C10orf71: variants seen among roughly 807,000 people sequenced by gnomAD.
C10orf71 encodes the protein cardiac-enriched FHL2-interacting protein.
For missense variants in C10orf71, 1,869 were observed against 1,804.5 expected, an observed-to-expected ratio of 1.04 and a Z score of -0.65; for synonymous variants, 758 against 726.3, an observed-to-expected ratio of 1.04 and a Z score of -0.70.
chr10:49,306,859 A>C (rs1848823125), intron 1 of C10orf71, among the ~76,000 whole-genome samples: 1 of 152,234 alleles, frequency 6.6e-6, no homozygotes, highest in Admixed American at 6.5e-5. Context: ...AGAGCTCCTG[A>C]AGGAGCCATG....
rs1005752526 is a variant in C10orf71, at chr10:49,326,405, T to G, written c.3860T>G (p.Val1287Gly). 6 of 1,550,368 alleles carry G rather than the reference T, an allele frequency of 3.9e-6. No homozygotes were observed. The highest frequency in any genetic ancestry group is 3.9e-5 in the Admixed American group (2 of 50,962). ...LQDPQSGEYF[V>G]FDLPLQVKIK... is the part of the protein sequence containing the mutation. ...GATCCGCAGTCCGGGGAGTACTTTG[T>G]CTTCGACTTGCCACTCCAGGTGAAA... Residue 1287 changes from valine to glycine, a missense_variant, in exon 3 of 3, where the codon GTC (valine) becomes GGC (glycine). Val to Gly is a moderately radical substitution (Grantham distance 109). Coordinates refer to ENST00000374144, the MANE Select transcript of C10orf71 (RefSeq NM_001135196.2).
intron 2 of C10orf71, among the ~76,000 whole-genome samples, chr10:49,319,270 C>G (rs903765037): frequency 2.0e-5 from 3 of 151,864 alleles, no homozygotes; most frequent in African/African-American, 7.3e-5. Flanking sequence ...CAGAAGGAAG[C>G]AGCATCCTCA....
chr10:49,318,962 C>A (rs1421090756), intron 2 of C10orf71, among the ~76,000 whole-genome samples: 2 of 152,200 alleles, frequency 1.3e-5, no homozygotes, highest in African/African-American at 2.4e-5. Context: ...CACCATCCAT[C>A]CCCTGGAGCT....
In C10orf71 at chr10:49,324,434, C is replaced by T. The variant is rs545167520; in HGVS notation, c.1889C>T (p.Ser630Phe). 7.5e-6 allele frequency: 12 copies of T among 1,609,360 alleles called. No individual in the cohort carries two copies. The South Asian group carries it at 1.0e-4, about 13-fold the overall frequency. Residue 630 changes from serine to phenylalanine, a missense_variant, in exon 3 of 3, where the codon TCC (serine) becomes TTC (phenylalanine). Transcript: ENST00000374144. The part of the protein sequence containing the change: ...EGELEMGPAG[S>F]SWCPDSREHR... The stretch of plus-strand genomic sequence containing the variant: ...GAGTTGGAGATGGGTCCTGCCGGAT[C>T]CAGCTGGTGTCCAGACTCCAGGGAA...
At position 49,327,239 on chromosome 10, in the gene C10orf71, T is replaced by A; in HGVS notation, c.*386T>A. On this transcript the variant is annotated 3_prime_UTR_variant, in exon 3 of 3. Transcript: ENST00000374144. ...CCGCCTGGTCCCAAGTGTCCCTCTG[T>A]ACCCACACCCACCCACTCACTTGTA... The A allele has an allele frequency of 2.7e-6, 1 of 374,382 alleles. No homozygotes were observed. Among genetic ancestry groups the A allele is most frequent in the Non-Finnish European group, 5.3e-6 (1 of 187,760 alleles). The allele number at this position is 374,382 out of a possible 1,614,324, so 23.2% of individuals were successfully genotyped here.
chr10:49,317,220 G>A (rs566606135), intron 2 of C10orf71, among the ~76,000 whole-genome samples: 8 of 152,110 alleles, frequency 5.3e-5, no homozygotes, highest in Non-Finnish European at 8.8e-5. Flanking sequence ...AGCCACTCAG[G>A]TTCCATCAAA....
Position 49,326,743 on chromosome 10 carries a change from C to G in C10orf71, c.4198C>G (p.Arg1400Gly), listed in dbSNP as rs1344466747. ...GDCTPHSAGQ[R>G]PHGPPQSPGE... ...CTGCACCCCGCACTCTGCAGGCCAGCGCCCTCATGGTCCTCCCCAGAGCCC... is the reference window on the plus strand; with the variant it reads ...CTGCACCCCGCACTCTGCAGGCCAGGGCCCTCATGGTCCTCCCCAGAGCCC... Residue 1400 changes from arginine (R) to glycine (G), a missense_variant, in exon 3 of 3, where the codon CGC (arginine) becomes GGC (glycine). Physicochemically the swap from Arg to Gly is moderately radical, Grantham distance 125. Transcript: ENST00000374144. 1 of 1,551,292 alleles carries G rather than the reference C, an allele frequency of 6.4e-7. No homozygotes were observed. Among genetic ancestry groups the G allele is most frequent in the Non-Finnish European group, 8.7e-7 (1 of 1,146,990 alleles).
At position 49,323,401 on chromosome 10, in the gene C10orf71, A is replaced by G; in HGVS notation, c.856A>G (p.Lys286Glu). Residue 286 changes from lysine to glutamate, a missense_variant, in exon 3 of 3, where the codon AAG (lysine) becomes GAG (glutamate). Coordinates refer to ENST00000374144, the MANE Select transcript of C10orf71 (RefSeq NM_001135196.2). ...TGAGTCATGGAATGCCCACCAACCA[A>G]AGCTGCTGGAGAGAAAGGACACAGC... The part of the protein sequence containing the change: ...AFESWNAHQP[K>E]LLERKDTAGT... The G allele has an allele frequency of 1.2e-6, 2 of 1,613,936 alleles. No individual in the cohort carries two copies. The highest frequency in any genetic ancestry group is 1.7e-6 in the Non-Finnish European group (2 of 1,179,862).
intron 1 of C10orf71, among the ~76,000 whole-genome samples, chr10:49,310,851 G>A (rs1848900404): frequency 6.6e-6 from 1 of 152,036 alleles, no homozygotes; most frequent in Non-Finnish European, 1.5e-5. Context: ...TCGTCGTCCA[G>A]TGGAATTTGA....
intron 2 of C10orf71, among the ~76,000 whole-genome samples, chr10:49,317,421 C>T (rs1288713568): frequency 2.0e-5 from 3 of 152,138 alleles, no homozygotes; most frequent in African/African-American, 7.2e-5. Context: ...GAATCATGCA[C>T]CCTCTAAAAA....
chr10:49,325,790 C>A lies in C10orf71; in HGVS notation c.3245C>A (p.Ala1082Asp). 1 of 1,551,506 alleles carries A rather than the reference C, an allele frequency of 6.4e-7. No homozygotes were observed. Among genetic ancestry groups the A allele is most frequent in the African/African-American group, 1.4e-5 (1 of 73,186 alleles). Reference protein sequence around the residue: ...ASNIWEESSQAPGGPELLPEE... With the variant: ...ASNIWEESSQDPGGPELLPEE... The stretch of plus-strand genomic sequence containing the variant: ...AACATTTGGGAGGAGTCTTCCCAGG[C>A]CCCTGGAGGACCAGAGCTGCTTCCC... Residue 1082 changes from alanine to aspartate, a missense_variant, in exon 3 of 3, where the codon GCC becomes GAC. Transcript: ENST00000374144.
chr10:49,307,677 G>A (rs1848838614), intron 1 of C10orf71, among the ~76,000 whole-genome samples: 1 of 152,218 alleles, frequency 6.6e-6, no homozygotes, highest in South Asian at 2.1e-4. Context: ...CAGGGAGGCA[G>A]CAAGAAATTA....
chr10:49,317,538 G>A (rs756132356), intron 2 of C10orf71, among the ~76,000 whole-genome samples: 6 of 152,208 alleles, frequency 3.9e-5, no homozygotes, highest in Non-Finnish European at 8.8e-5. Context: ...AATCCAGTAT[G>A]ACTGGTGTCC....
At chr10:49,305,486 G>A (rs1192329803) in intron 1 of C10orf71, among the ~76,000 whole-genome samples, 1 of 152,114 alleles carries the variant, frequency 6.6e-6, no homozygotes, top group Non-Finnish European at 1.5e-5. Flanking sequence ...ATAATACTAG[G>A]TTATAAAGTA....
intron 1 of C10orf71, among the ~76,000 whole-genome samples, chr10:49,306,673 T>C (rs1437105076): frequency 6.6e-6 from 1 of 152,214 alleles, no homozygotes; most frequent in Non-Finnish European, 1.5e-5. Flanking sequence ...AGAAAGTCTA[T>C]TGGGAGCACC....
At position 49,324,398 on chromosome 10, in the gene C10orf71, A is replaced by C; in HGVS notation, c.1853A>C (p.Glu618Ala). Reference sequence around the variant, plus strand: ...GAGAGAAGCAGTTATGAGAACAAGGAGGTGGAAGGAGAGTTGGAGATGGGT... The same window carrying C: ...GAGAGAAGCAGTTATGAGAACAAGGCGGTGGAAGGAGAGTTGGAGATGGGT... ...AAERSSYENK[E>A]VEGELEMGPA... Residue 618 changes from glutamate (E) to alanine (A), a missense_variant, in exon 3 of 3, where the codon GAG (glutamate) becomes GCG (alanine). Physicochemically the swap from Glu to Ala is moderately radical, Grantham distance 107. Transcript: ENST00000374144. The C allele has an allele frequency of 6.2e-7, 1 of 1,612,958 alleles. No individual in the cohort carries two copies.
rs555403145 is a variant in C10orf71 at position 49,314,286 on chromosome 10, A to G, written c.-247-1859A>G. On this transcript the variant is annotated intron_variant, in intron 1 of 2. Coordinates refer to ENST00000374144, the MANE Select transcript of C10orf71 (RefSeq NM_001135196.2). The stretch of plus-strand genomic sequence containing the variant: ...CCACAGACTTAAATAGGAACTGACC[A>G]GGTCATAATTAAATATCGATGTTTA... 5.9e-5 allele frequency among the ~76,000 whole-genome samples: 9 copies of G among 152,354 alleles called. No homozygotes were observed. The South Asian group carries it at 1.2e-3, about 21-fold the overall frequency.
rs549133611 is a variant in C10orf71 at position 49,320,066 on chromosome 10, C to T, written c.-144-2336C>T. ...GAGTCCTGGAGATTGATTGCATGAA[C>T]ATACGAATATATTTAACACTACTGA... On this transcript the variant is annotated intron_variant, in intron 2 of 2. Coordinates refer to ENST00000374144, the MANE Select transcript of C10orf71 (RefSeq NM_001135196.2). Among the ~76,000 whole-genome samples the T allele has an allele frequency of 4.6e-5, 7 of 152,192 alleles. No individual in the cohort carries two copies. In the East Asian group the frequency reaches 9.6e-4, roughly 21 times the overall value.
In C10orf71 at chr10:49,322,768, A is replaced by G. The variant is rs938833598; in HGVS notation, c.223A>G (p.Thr75Ala). 6.2e-7 allele frequency: 1 copy of G among 1,613,644 alleles called. No homozygotes were observed. The highest frequency in any genetic ancestry group is 8.5e-7 in the Non-Finnish European group (1 of 1,179,624). ...TTTTCACCAGAGAACAGTGGGCCAC[A>G]CCCAGAGGAAAAGTGGCATTTGGAG... ...GTFHQRTVGH[T>A]QRKSGIWSQL... The change falls in exon 3 of 3, where the codon ACC (threonine) becomes GCC (alanine). Residue 75 changes from threonine (T) to alanine (A), a missense_variant. Coordinates refer to ENST00000374144, the MANE Select transcript of C10orf71 (RefSeq NM_001135196.2).
Sources: allele counts gnomAD v4.1 joint callset (sites outside exome capture counted in the v4.1 genomes callset), GRCh38; gene constraint gnomAD v4.1.1; transcripts MANE v1.5; gene names NCBI Gene and HGNC (gene_info 2026-07-23, HGNC 2026-07-21).